EVA1C: variants seen among roughly 807,000 people sequenced by gnomAD.
The protein encoded by EVA1C is protein eva-1 homolog C.
Under a neutral mutation model 45.4 loss-of-function variants are expected in EVA1C, and 25 were observed. The observed-to-expected ratio is 0.55, with a 90% CI of 0.40 to 0.77. EVA1C has a LOEUF of 0.77. EVA1C is among the 30% of genes least tolerant of loss of function. The probability of loss-of-function intolerance (pLI) is 0.00; values close to 1 mark genes in which losing one functional copy is unlikely to be tolerated. For missense variants in EVA1C, 479 were observed against 554.8 expected, an observed-to-expected ratio of 0.86 and a Z score of 1.37; for synonymous variants, 190 against 221.2, an observed-to-expected ratio of 0.86 and a Z score of 1.25.
intron 4 of EVA1C, among the ~76,000 whole-genome samples, chr21:32,487,061 T>G (rs1002493426): frequency 3.3e-5 from 5 of 152,192 alleles, no homozygotes; most frequent in Non-Finnish European, 5.9e-5. Flanking sequence ...GTTATAATAT[T>G]TAGATTTTGT....
At chr21:32,472,607 G>A (rs889357087) in intron 4 of EVA1C, among the ~76,000 whole-genome samples, 1 of 151,816 alleles carries the variant, frequency 6.6e-6, no homozygotes, top group African/African-American at 2.4e-5. Context: ...CTGCACTCCA[G>A]CCTGGGCCAC....
At chr21:32,485,924 G>A (rs2036957501) in intron 4 of EVA1C, among the ~76,000 whole-genome samples, 1 of 152,210 alleles carries the variant, frequency 6.6e-6, no homozygotes, top group Non-Finnish European at 1.5e-5. Flanking sequence ...TGAGGCTTGG[G>A]TGGTTTTCCT....
chr21:32,511,306 TG>T (rs1050833717), intron 7 of EVA1C, among the ~76,000 whole-genome samples: 17 of 145,610 alleles, frequency 1.2e-4, no homozygotes, highest in African/African-American at 4.4e-4. Flanking sequence ...CCCAGCTACT[TG>T]GGAGGCTGAG....
chr21:32,430,788 C>A (rs537675671), intron 1 of EVA1C, among the ~76,000 whole-genome samples: 1 of 152,132 alleles, frequency 6.6e-6, no homozygotes, highest in African/African-American at 2.4e-5. Flanking sequence ...GCCTGGCCAA[C>A]ATGTTGAAAC....
intron 1 of EVA1C, among the ~76,000 whole-genome samples, chr21:32,418,023 T>A (rs2034117685): frequency 6.6e-6 from 1 of 151,932 alleles, no homozygotes; most frequent in Non-Finnish European, 1.5e-5. Context: ...TGGCTGGGTG[T>A]CCCCTTCACC....
chr21:32,496,294 T>G (rs1467464282), intron 5 of EVA1C, among the ~76,000 whole-genome samples: 1 of 152,202 alleles, frequency 6.6e-6, no homozygotes, highest in Non-Finnish European at 1.5e-5. Context: ...TAGCATCTGT[T>G]TTCAAGGTTC....
At chr21:32,443,654 A>T (rs2035262029) in intron 1 of EVA1C, among the ~76,000 whole-genome samples, 1 of 152,238 alleles carries the variant, frequency 6.6e-6, no homozygotes, top group African/African-American at 2.4e-5. Context: ...TTTAATCATC[A>T]CAGCAAAACA....
rs2036477923 is a variant in EVA1C, at chr21:32,474,197, A to T, written c.634+6349A>T. Reference sequence around the variant, plus strand: ...CTAAAGTGCTGGGATTGCAGGCGTGAGCCACTGAGCCCGACCAGGATTTTA... The same window carrying T: ...CTAAAGTGCTGGGATTGCAGGCGTGTGCCACTGAGCCCGACCAGGATTTTA... On this transcript the variant is annotated intron_variant, in intron 4 of 7. Coordinates refer to ENST00000300255, the MANE Select transcript of EVA1C (RefSeq NM_058187.5). The surrounding 1 kb of genome is among the most constrained non-coding windows in gnomAD (Gnocchi z 4.4). 6.6e-6 allele frequency among the ~76,000 whole-genome samples: 1 copy of T among 152,190 alleles called. No individual in the cohort carries two copies. Among genetic ancestry groups the T allele is most frequent in the African/African-American group, 2.4e-5 (1 of 41,454 alleles).
At chr21:32,491,264 T>A (rs2037143555) in intron 4 of EVA1C, among the ~76,000 whole-genome samples, 1 of 151,940 alleles carries the variant, frequency 6.6e-6, no homozygotes, top group Admixed American at 6.6e-5. Flanking sequence ...GGTGGGAGAA[T>A]AACGGCTGTG....
At chr21:32,438,486 CAAAA>C (rs35688820) in intron 1 of EVA1C, among the ~76,000 whole-genome samples, 2 of 57,274 alleles carry the variant, frequency 3.5e-5, no homozygotes, top group Non-Finnish European at 6.4e-5. Context: ...GACTCTGTCT[CAAAA>C]AAAAAAAAAA....
At chr21:32,496,506 C>T (rs2037356795) in intron 5 of EVA1C, among the ~76,000 whole-genome samples, 1 of 152,198 alleles carries the variant, frequency 6.6e-6, no homozygotes. Context: ...GATGGCTTTA[C>T]CTGCTCTGTC....
intron 3 of EVA1C, among the ~76,000 whole-genome samples, chr21:32,466,961 G>A (rs1313591006): frequency 6.6e-6 from 1 of 151,862 alleles, no homozygotes; most frequent in Non-Finnish European, 1.5e-5. Context: ...CACTGTGCCC[G>A]GCCTCTTTCT....
chr21:32,503,876 C>A, intron 6 of EVA1C, 50 bp from the exon 7 acceptor site: 2 of 1,313,960 alleles, frequency 1.5e-6, no homozygotes, highest in Non-Finnish European at 2.2e-6. Flanking sequence ...TTAGAATAGG[C>A]GTACTATGAA....
intron 2 of EVA1C, among the ~76,000 whole-genome samples, chr21:32,456,468 C>T (rs1217131598): frequency 1.3e-5 from 2 of 152,208 alleles, no homozygotes; most frequent in African/African-American, 2.4e-5. Context: ...CACATGCAGT[C>T]ATCTGAAAGC....
intron 4 of EVA1C, among the ~76,000 whole-genome samples, chr21:32,492,412 C>CTAGAA (rs2037193244): frequency 6.6e-6 from 1 of 152,066 alleles, no homozygotes; most frequent in Non-Finnish European, 1.5e-5. Flanking sequence ...GAGATCCTTT[C>CTAGAA]TAGAAGGCTG....
chr21:32,486,498 T>G (rs898413982), intron 4 of EVA1C, among the ~76,000 whole-genome samples: 22 of 152,168 alleles, frequency 1.4e-4, no homozygotes, highest in Non-Finnish European at 2.9e-4. Flanking sequence ...GCTTCCTCTA[T>G]GCCCCTGTGA....
chr21:32,454,601 A>ATTT (rs35371667), intron 2 of EVA1C, among the ~76,000 whole-genome samples: 62 of 149,210 alleles, frequency 4.2e-4, no homozygotes, highest in East Asian at 7.8e-4. Context: ...TTGGCCTTGG[A>ATTT]TTTTTTTTTT....
In EVA1C at chr21:32,467,769, C is replaced by T. The variant is rs202223408; in HGVS notation, c.555C>T (p.Asn185=). ...ACTGCCATGAATCCAAGTTCCTCAA[C>T]ATCTACTCTGCGACCTACGGCAGGA... ...KLHCHESKFL[N]IYSATYGRRT... Residue 185 remains asparagine, a synonymous_variant, in exon 4 of 8, where the codon AAC becomes AAT. Coordinates refer to ENST00000300255, the MANE Select transcript of EVA1C (RefSeq NM_058187.5). The T allele has an allele frequency of 2.5e-6, 4 of 1,613,190 alleles. No individual in the cohort carries two copies. The African/African-American group carries it at 4.0e-5, about 16-fold the overall frequency.
intron 1 of EVA1C, among the ~76,000 whole-genome samples, chr21:32,449,316 G>A (rs9983567): frequency 0.097 from 14,839 of 152,232 alleles, 1,486 homozygotes; most frequent in African/African-American, 0.25. Context: ...CCACCATTGT[G>A]GTATCACACA....
Sources: allele counts gnomAD v4.1 joint callset (sites outside exome capture counted in the v4.1 genomes callset), GRCh38; gene constraint gnomAD v4.1.1; non-coding constraint Gnocchi (gnomAD v3.1); transcripts MANE v1.5; gene names NCBI Gene and HGNC (gene_info 2026-07-23, HGNC 2026-07-21).